COPS3: variants seen among roughly 807,000 people sequenced by gnomAD.
The protein encoded by COPS3 is COP9 signalosome complex subunit 3.
Under a neutral mutation model 58.2 loss-of-function variants are expected in COPS3, and 10 were observed. That is an observed-to-expected ratio of 0.17 (90% confidence interval 0.11 to 0.29). The LOEUF (loss-of-function observed/expected upper bound fraction) is 0.29. Ranked by LOEUF, COPS3 falls within the 10% of genes least tolerant of loss-of-function variation. The pLI is 1.00. For synonymous variants in COPS3, 187 were observed against 181.7 expected (o/e 1.03, Z -0.24); for missense variants, 333 against 510.1 (o/e 0.65, Z 3.34).
chr17:17,281,036 C>T (rs1302601151), intron 1 of COPS3, 96 bp downstream of exon 1: 1 of 1,386,954 alleles, frequency 7.2e-7, no homozygotes, highest in Non-Finnish European at 1.0e-6. Flanking sequence ...AGTCTCAGGA[C>T]TAAAAGGGCT....
intron 8 of COPS3, among the ~76,000 whole-genome samples, chr17:17,259,875 C>CA (rs1473899270): frequency 6.8e-6 from 1 of 148,018 alleles, no homozygotes; most frequent in Admixed American, 6.9e-5. Context: ...GCCTGGGCAA[C>CA]AGAGCAAGGC....
At chr17:17,271,256 CCT>C (rs2048334730) in intron 2 of COPS3, among the ~76,000 whole-genome samples, 1 of 151,812 alleles carries the variant, frequency 6.6e-6, no homozygotes, top group Non-Finnish European at 1.5e-5. Context: ...ATGGTGAGAC[CCT>C]GTCTCTACTA....
At chr17:17,280,546 AAAC>A (rs1455930844) in intron 1 of COPS3, 1 of 1,223,348 alleles carries the variant, frequency 8.2e-7, no homozygotes, top group Non-Finnish European at 1.1e-6. Flanking sequence ...GGCTAAAAAA[AAAC>A]AAAGAAGAAG....
intron 4 of COPS3, among the ~76,000 whole-genome samples, chr17:17,268,794 G>C (rs1012937832): frequency 6.6e-6 from 1 of 150,452 alleles, no homozygotes; most frequent in African/African-American, 2.4e-5. Flanking sequence ...ACTCCAGCCT[G>C]GGCAACAGAG....
intron 2 of COPS3, among the ~76,000 whole-genome samples, chr17:17,273,577 A>T (rs887558989): frequency 6.6e-6 from 1 of 152,078 alleles, no homozygotes; most frequent in African/African-American, 2.4e-5. Flanking sequence ...GTGGCCAGGT[A>T]TGGTGGCTTA....
intron 2 of COPS3, among the ~76,000 whole-genome samples, chr17:17,272,680 T>C (rs1315222164): frequency 1.3e-5 from 2 of 152,136 alleles, no homozygotes; most frequent in Non-Finnish European, 2.9e-5. Flanking sequence ...GGTCGGAGGA[T>C]CATTTGAGGC....
At chr17:17,249,066 G>C in intron 9 of COPS3, 27 bp from the exon 10 acceptor site, 1 of 1,357,316 alleles carries the variant, frequency 7.4e-7, no homozygotes, top group South Asian at 1.2e-5. Flanking sequence ...AAAAAAATCA[G>C]GAAAGCAGTT....
At chr17:17,248,115 A>G (rs971659765) in intron 10 of COPS3, among the ~76,000 whole-genome samples, 12 of 152,122 alleles carry the variant, frequency 7.9e-5, no homozygotes, top group South Asian at 4.1e-4. Context: ...TGCTTCTCAC[A>G]TAGGGAGAGA....
chr17:17,263,680 A>C (rs1267846337), intron 6 of COPS3, among the ~76,000 whole-genome samples: 2 of 148,178 alleles, frequency 1.3e-5, no homozygotes, highest in Non-Finnish European at 1.5e-5. Flanking sequence ...TGCCCAGCTA[A>C]ATTTTGTATT....
chr17:17,249,017 G>A lies in COPS3; in HGVS notation c.1046C>T (p.Ala349Val). The A allele has an allele frequency of 1.3e-6, 2 of 1,593,512 alleles. No homozygotes were observed. The highest frequency in any genetic ancestry group is 8.5e-7 in the Non-Finnish European group (1 of 1,172,326). ...CATACCGTCCTTCTGGTTAATACTT[G>A]CAAAAATCTCACCATCTTCTATCTG... ...LHMIEDGEIF[A>V]SINQKDGMVS... is the part of the protein sequence containing the mutation. Residue 349 changes from alanine to valine, a missense_variant, in exon 10 of 12, where the codon GCA (alanine) becomes GTA (valine). Coordinates refer to ENST00000268717, the MANE Select transcript of COPS3 (RefSeq NM_003653.4).
At chr17:17,265,167 G>A (rs775076945) in intron 5 of COPS3, among the ~76,000 whole-genome samples, 186 bp from the exon 6 acceptor site, 3 of 152,162 alleles carry the variant, frequency 2.0e-5, no homozygotes, top group African/African-American at 4.8e-5. Flanking sequence ...AGGACCACAA[G>A]TGTTTCAAAT....
chr17:17,265,071 CA>C (rs1349206337), intron 5 of COPS3, 90 bp from the exon 6 acceptor site: 1 of 1,148,378 alleles, frequency 8.7e-7, no homozygotes, highest in African/African-American at 1.6e-5. Flanking sequence ...CAGAAATTTC[CA>C]AATAATGTAA....
chr17:17,267,202 A>G (rs889914982), intron 5 of COPS3, among the ~76,000 whole-genome samples: 11 of 151,352 alleles, frequency 7.3e-5, no homozygotes, highest in East Asian at 3.9e-4. Context: ...GCCAGGCGTG[A>G]TAGCGGGCGC....
chr17:17,263,450 C>T (rs1259653380), intron 6 of COPS3, among the ~76,000 whole-genome samples: 1 of 151,626 alleles, frequency 6.6e-6, no homozygotes, highest in African/African-American at 2.4e-5. Flanking sequence ...TTGCCTGCCT[C>T]GGCCTCCCAG....
chr17:17,264,715 TCAGA>T, intron 6 of COPS3, 83 bp downstream of exon 6: 3 of 1,137,418 alleles, frequency 2.6e-6, no homozygotes, highest in South Asian at 3.1e-5. Flanking sequence ...GGCCCTGGGA[TCAGA>T]CCACTCTAGC....
chr17:17,249,235 G>A (rs955142145), intron 9 of COPS3, among the ~76,000 whole-genome samples, 196 bp from the exon 10 acceptor site: 1 of 152,192 alleles, frequency 6.6e-6, no homozygotes, highest in East Asian at 1.9e-4. Flanking sequence ...TAGATGCTAA[G>A]AGGTGTAAAA....
chr17:17,260,050 C>G (rs560095139), intron 8 of COPS3, among the ~76,000 whole-genome samples: 1 of 152,170 alleles, frequency 6.6e-6, no homozygotes, highest in Non-Finnish European at 1.5e-5. Flanking sequence ...TCACTGTCTC[C>G]CAATGTAGCC....
At chr17:17,263,510 C>CTTTTTTTT (rs34755381) in intron 6 of COPS3, among the ~76,000 whole-genome samples, 4 of 98,884 alleles carry the variant, frequency 4.0e-5, no homozygotes, top group African/African-American at 1.6e-4. Flanking sequence ...CTTGCCTTTT[C>CTTTTTTTT]TTTTTTTTTT....
intron 2 of COPS3, among the ~76,000 whole-genome samples, chr17:17,274,693 G>A (rs186526095): frequency 6.6e-6 from 1 of 151,722 alleles, no homozygotes; most frequent in East Asian, 1.9e-4. Context: ...AAAGTGCCGG[G>A]ATTACAGATG....
Sources: allele counts gnomAD v4.1 joint callset (sites outside exome capture counted in the v4.1 genomes callset), GRCh38; gene constraint gnomAD v4.1.1; transcripts MANE v1.5; gene names NCBI Gene and HGNC (gene_info 2026-07-23, HGNC 2026-07-21).